Variants in ZCWPW2 observed in about 807,000 individuals in gnomAD.
The protein encoded by ZCWPW2 is zinc finger CW-type and PWWP domain containing 2, also known as zinc finger CW-type PWWP domain protein 2.
In ZCWPW2, 45 loss-of-function variants were observed where a neutral mutation model predicts 46.6. The ratio of observed to expected loss-of-function variants is 0.96; its 90% CI spans 0.76 to 1.24. The LOEUF is 1.24. ZCWPW2 is among the 50% of genes most tolerant of loss of function. ZCWPW2 has a pLI of 0.00. For synonymous variants in ZCWPW2, 152 were observed against 137.1 expected, an observed-to-expected ratio of 1.11 and a Z score of -0.76; for missense variants, 429 against 403.9, an observed-to-expected ratio of 1.06 and a Z score of -0.53.
chr3:28,505,969 G>T (rs577158637), intron 6 of ZCWPW2, among the ~76,000 whole-genome samples: 1 of 151,232 alleles, frequency 6.6e-6, no homozygotes, highest in Non-Finnish European at 1.5e-5. Context: ...AGTTTATGCA[G>T]ATTATATAAA....
chr3:28,357,028 C>G (rs935796173), intron 1 of ZCWPW2, among the ~76,000 whole-genome samples: 1 of 151,810 alleles, frequency 6.6e-6, no homozygotes, highest in Non-Finnish European at 1.5e-5. Context: ...AAAATAAATT[C>G]CCTTTCATTT....
chr3:28,479,971 C>A (rs1463098431), intron 5 of ZCWPW2, among the ~76,000 whole-genome samples: 3 of 151,990 alleles, frequency 2.0e-5, no homozygotes. Flanking sequence ...TTTCTTTATA[C>A]CATTGATGGG....
chr3:28,511,807 C>T (rs1311151230), intron 6 of ZCWPW2, among the ~76,000 whole-genome samples: 1 of 152,114 alleles, frequency 6.6e-6, no homozygotes, highest in East Asian at 1.9e-4. Flanking sequence ...TACTTATCTT[C>T]ACTTCTTTTT....
intron 6 of ZCWPW2, among the ~76,000 whole-genome samples, chr3:28,512,462 G>A (rs1268396111): frequency 6.6e-6 from 1 of 152,080 alleles, no homozygotes; most frequent in Non-Finnish European, 1.5e-5. Context: ...TGGGATTACA[G>A]GTGCGAACCA....
At chr3:28,366,588 A>G (rs1177037059) in intron 1 of ZCWPW2, among the ~76,000 whole-genome samples, 1 of 141,782 alleles carries the variant, frequency 7.1e-6, no homozygotes, top group Non-Finnish European at 1.5e-5. Flanking sequence ...CATCAGGGAT[A>G]TTGGTCTAAA....
intron 1 of ZCWPW2, among the ~76,000 whole-genome samples, chr3:28,375,339 G>C (rs770610479): frequency 6.6e-6 from 1 of 151,784 alleles, no homozygotes; most frequent in Non-Finnish European, 1.5e-5. Flanking sequence ...AGTTCATTTA[G>C]TCAGTGTTAT....
chr3:28,450,830 G>T (rs1222727716), intron 4 of ZCWPW2, among the ~76,000 whole-genome samples: 1 of 152,168 alleles, frequency 6.6e-6, no homozygotes, highest in Non-Finnish European at 1.5e-5. Context: ...AGGGAGCTTT[G>T]CCATATTGCT....
At chr3:28,433,886 T>G (rs1697375895) in intron 3 of ZCWPW2, among the ~76,000 whole-genome samples, 1 of 150,446 alleles carries the variant, frequency 6.6e-6, no homozygotes, top group African/African-American at 2.4e-5. Flanking sequence ...TTAACTTGCC[T>G]CAGTAAGTTG....
At chr3:28,405,909 A>G (rs1013325597) in intron 2 of ZCWPW2, among the ~76,000 whole-genome samples, 3 of 152,186 alleles carry the variant, frequency 2.0e-5, no homozygotes, top group African/African-American at 7.2e-5. Flanking sequence ...AGTAAAGACC[A>G]TTTAGGTGGG....
rs763518014 is a variant in ZCWPW2, at chr3:28,524,648, A to G, written c.1031A>G (p.Asn344Ser). Residue 344 changes from asparagine (N) to serine (S), a missense_variant, in exon 10 of 10, where the codon AAT becomes AGT. By Grantham distance (46) the Asn-to-Ser change is conservative. Coordinates refer to ENST00000383768, the MANE Select transcript of ZCWPW2 (RefSeq NM_001040432.4). ...GGAGAATGTATTGAGGATATAACTA[A>G]TAAATTTAAAGAAATAGATGCTTTG... ...KAGECIEDIT[N>S]KFKEIDALMS... 2 of 1,579,770 alleles carry G rather than the reference A, an allele frequency of 1.3e-6. No homozygotes were observed. Among genetic ancestry groups the G allele is most frequent in the South Asian group, 2.4e-5 (2 of 83,556 alleles).
Position 28,515,359 on chromosome 3 carries a change from G to C in ZCWPW2, c.717-195G>C, listed in dbSNP as rs1041278065. Among the ~76,000 whole-genome samples, 4 of 152,138 alleles carry C rather than the reference G, an allele frequency of 2.6e-5. No individual in the cohort carries two copies. The East Asian group carries it at 7.7e-4, about 29-fold the overall frequency. Reference sequence around the variant, plus strand: ...AAATTGTTAATGCTTTGCACCTAGTGAGAGCTCAAATCAGTATTAGTCTTT... The same window carrying C: ...AAATTGTTAATGCTTTGCACCTAGTCAGAGCTCAAATCAGTATTAGTCTTT... On this transcript the variant is annotated intron_variant, in intron 7 of 9. Transcript: ENST00000383768.
chr3:28,381,840 T>C lies in ZCWPW2; in HGVS notation c.-133-8658T>C, dbSNP rs151009415. 9.8e-3 allele frequency among the ~76,000 whole-genome samples: 1,488 copies of C among 152,078 alleles called. 34 individuals are homozygous for C. Among genetic ancestry groups the C allele is most frequent in the African/African-American group, 0.034 (1,413 of 41,458 alleles). Reference sequence around the variant, plus strand: ...CTGTATTAATTTGCTAGGACTTCTGTAACAAAGTACAACAGATTGGCTGGC... The same window carrying C: ...CTGTATTAATTTGCTAGGACTTCTGCAACAAAGTACAACAGATTGGCTGGC... On this transcript the variant is annotated intron_variant, in intron 1 of 9. Coordinates refer to ENST00000383768, the MANE Select transcript of ZCWPW2 (RefSeq NM_001040432.4).
In ZCWPW2 at chr3:28,453,797, A is replaced by T. The variant is rs547238594; in HGVS notation, c.492+18528A>T. On this transcript the variant is annotated intron_variant, in intron 4 of 9. Transcript: ENST00000383768. The stretch of plus-strand genomic sequence containing the variant: ...TAATTGTGAAAGTTTATAATTGTGT[A>T]TATTTATTTATTTATTTATTTATTT... 4.8e-4 allele frequency among the ~76,000 whole-genome samples: 71 copies of T among 148,172 alleles called. 1 individual carries two copies. Among genetic ancestry groups the T allele is most frequent in the South Asian group, 1.3e-3 (6 of 4,784 alleles).
chr3:28,423,533 A>G (rs1696883151), intron 3 of ZCWPW2, among the ~76,000 whole-genome samples: 2 of 151,140 alleles, frequency 1.3e-5, no homozygotes, highest in South Asian at 4.2e-4. Context: ...CGCCCAGCTA[A>G]TTTTTTGTAT....
chr3:28,498,213 G>T (rs904402339), intron 6 of ZCWPW2, among the ~76,000 whole-genome samples: 1 of 148,076 alleles, frequency 6.8e-6, no homozygotes, highest in African/African-American at 2.5e-5. Flanking sequence ...GTACATGTAT[G>T]TATATATATT....
intron 6 of ZCWPW2, among the ~76,000 whole-genome samples, chr3:28,496,059 G>C (rs376771505): frequency 6.6e-6 from 1 of 151,978 alleles, no homozygotes; most frequent in Non-Finnish European, 1.5e-5. Context: ...GAATGAGAAG[G>C]CTTGTTATAG....
chr3:28,412,328 A>C (rs1559494199), intron 2 of ZCWPW2, among the ~76,000 whole-genome samples: 1 of 151,914 alleles, frequency 6.6e-6, no homozygotes, highest in Non-Finnish European at 1.5e-5. Context: ...AGCTCTGAGA[A>C]ATTTAATTAA....
At chr3:28,436,438 G>A (rs1697503297) in intron 4 of ZCWPW2, among the ~76,000 whole-genome samples, 1 of 149,812 alleles carries the variant, frequency 6.7e-6, no homozygotes, top group South Asian at 2.1e-4. Context: ...TGCCCAGCTG[G>A]ATGTTTTTTG....
intron 5 of ZCWPW2, among the ~76,000 whole-genome samples, chr3:28,488,183 C>T (rs776512807): frequency 9.9e-5 from 15 of 152,124 alleles, no homozygotes; most frequent in Non-Finnish European, 1.8e-4. Flanking sequence ...CTTGTTCCCA[C>T]AGAGCTTCTA....
Sources: allele counts gnomAD v4.1 joint callset (sites outside exome capture counted in the v4.1 genomes callset), GRCh38; gene constraint gnomAD v4.1.1; transcripts MANE v1.5; gene names NCBI Gene and HGNC (gene_info 2026-07-23, HGNC 2026-07-21).